NPAS3: variants seen among roughly 807,000 people sequenced by gnomAD.
NPAS3 encodes neuronal PAS domain protein 3.
Under a neutral mutation model 73.1 loss-of-function variants are expected in NPAS3, and 14 were observed. That is an observed-to-expected ratio of 0.19 (90% CI 0.13 to 0.30). The LOEUF is 0.30. Ranked by LOEUF, NPAS3 falls within the 10% of genes least tolerant of loss-of-function variation. The pLI is 1.00. For synonymous variants in NPAS3, 620 were observed against 541.5 expected (o/e 1.14, Z -2.01); for missense variants, 1,096 against 1,250.0 (o/e 0.88, Z 1.86).
intron 9 of NPAS3, among the ~76,000 whole-genome samples, chr14:33,782,823 T>TAAAAAAAAAAAAAAAAAAAAAAAAAAAAA (rs199704146): frequency 1.7e-4 from 25 of 148,576 alleles, no homozygotes; most frequent in Non-Finnish European, 3.1e-4. Context: ...TGTTTTTTTT[T>TAAAAAAAAAAAAAAAAAAAAAAAAAAAAA]AAAAAAAAGA....
intron 3 of NPAS3, among the ~76,000 whole-genome samples, chr14:33,328,118 A>G (rs933905188): frequency 6.6e-6 from 1 of 152,144 alleles, no homozygotes; most frequent in African/African-American, 2.4e-5. Context: ...AGCTCATTTT[A>G]AGAAGTTTAG....
chr14:33,505,217 A>G (rs2139953867), intron 4 of NPAS3, among the ~76,000 whole-genome samples: 1 of 152,168 alleles, frequency 6.6e-6, no homozygotes, highest in African/African-American at 2.4e-5. Flanking sequence ...ATATTTATTA[A>G]CAGCTAAGAA....
intron 4 of NPAS3, among the ~76,000 whole-genome samples, chr14:33,409,414 G>A (rs1355787262): frequency 6.6e-6 from 1 of 152,046 alleles, no homozygotes; most frequent in Admixed American, 6.6e-5. Flanking sequence ...TGTGTTTTAG[G>A]ATGAAGAGAT....
At chr14:33,058,047 AG>A (rs1365055357) in intron 2 of NPAS3, among the ~76,000 whole-genome samples, 1 of 152,084 alleles carries the variant, frequency 6.6e-6, no homozygotes, top group Non-Finnish European at 1.5e-5. Context: ...ATATTATATA[AG>A]GAGTATGTTT....
intron 3 of NPAS3, among the ~76,000 whole-genome samples, chr14:33,338,830 C>G (rs2044345954): frequency 1.3e-5 from 2 of 152,120 alleles, no homozygotes; most frequent in African/African-American, 2.4e-5. Flanking sequence ...ATCCCATACT[C>G]AAACAAAAAT....
intron 5 of NPAS3, among the ~76,000 whole-genome samples, chr14:33,585,426 C>G (rs2056828467): frequency 6.6e-6 from 1 of 152,176 alleles, no homozygotes; most frequent in African/African-American, 2.4e-5. Flanking sequence ...CCATGGACTT[C>G]TCCACCCATA....
At chr14:33,022,635 A>G (rs2039646051) in intron 1 of NPAS3, among the ~76,000 whole-genome samples, 1 of 140,790 alleles carries the variant, frequency 7.1e-6, no homozygotes, top group African/African-American at 2.7e-5. Flanking sequence ...ACCGCACTCC[A>G]GCCTGGGCGA....
chr14:33,535,487 C>T (rs187377047), intron 4 of NPAS3, among the ~76,000 whole-genome samples: 99 of 152,202 alleles, frequency 6.5e-4, no homozygotes, highest in Non-Finnish European at 7.4e-5. Context: ...AATTGTGTAT[C>T]TATAAACTGT....
At chr14:33,666,323 C>T (rs988693515) in intron 5 of NPAS3, among the ~76,000 whole-genome samples, 1 of 152,176 alleles carries the variant, frequency 6.6e-6, no homozygotes, top group East Asian at 1.9e-4. Flanking sequence ...TTCATCCAAG[C>T]CACCTGTCCT....
intron 1 of NPAS3, among the ~76,000 whole-genome samples, chr14:32,984,994 TGG>T (rs578041569): frequency 2.0e-3 from 310 of 152,316 alleles, no homozygotes; most frequent in African/African-American, 6.9e-3. Context: ...AATTAAGTCC[TGG>T]GTATAATGTG....
chr14:33,592,027 A>G (rs2057086675), intron 5 of NPAS3, among the ~76,000 whole-genome samples: 1 of 152,082 alleles, frequency 6.6e-6, no homozygotes, highest in Non-Finnish European at 1.5e-5. Flanking sequence ...ACTAGTTTTT[A>G]CACAGAAAAG....
intron 4 of NPAS3, among the ~76,000 whole-genome samples, chr14:33,558,143 A>G (rs1332488235): frequency 1.3e-5 from 2 of 152,196 alleles, no homozygotes; most frequent in Non-Finnish European, 2.9e-5. Flanking sequence ...TCTTTAGTGG[A>G]ACAATATAAT....
intron 2 of NPAS3, among the ~76,000 whole-genome samples, chr14:33,153,585 T>A (rs2044539262): frequency 6.6e-6 from 1 of 152,166 alleles, no homozygotes. Context: ...AGAGAGCTCC[T>A]GTTTAATGAT....
At chr14:33,567,634 A>G (rs1216584219) in intron 5 of NPAS3, among the ~76,000 whole-genome samples, 1 of 152,242 alleles carries the variant, frequency 6.6e-6, no homozygotes, top group Non-Finnish European at 1.5e-5. Context: ...AATTTCCAGC[A>G]TTAGAAATCG....
At chr14:32,981,890 C>G (rs2037913452) in intron 1 of NPAS3, among the ~76,000 whole-genome samples, 1 of 152,136 alleles carries the variant, frequency 6.6e-6, no homozygotes, top group African/African-American at 2.4e-5. Context: ...ATGATCTCAT[C>G]CACTCTTAGG....
intron 3 of NPAS3, among the ~76,000 whole-genome samples, chr14:33,285,527 C>T (rs533927320): frequency 3.1e-4 from 47 of 152,312 alleles, no homozygotes; most frequent in African/African-American, 1.1e-3. Flanking sequence ...GATGCTGTTA[C>T]ACTCAATTCC....
chr14:33,598,995 G>A (rs913248650), intron 5 of NPAS3, among the ~76,000 whole-genome samples: 1 of 152,118 alleles, frequency 6.6e-6, no homozygotes, highest in Non-Finnish European at 1.5e-5. Flanking sequence ...ACATCCACTG[G>A]CTAGTTCAAA....
chr14:33,204,412 G>T (rs1182174577), intron 2 of NPAS3, among the ~76,000 whole-genome samples: 1 of 152,132 alleles, frequency 6.6e-6, no homozygotes, highest in East Asian at 1.9e-4. Context: ...CAGTAGTTAG[G>T]TCTGTGTTGC....
At chr14:33,004,817 C>CTTTTTTTTTTTTTTTTTTTTT in intron 1 of NPAS3, among the ~76,000 whole-genome samples, 894 of 63,642 alleles carry the variant, frequency 0.014, 147 homozygotes, top group South Asian at 0.021. Context: ...AAAAGTTTTC[C>CTTTTTTTTTTTTTTTTTTTTT]TTTTTTTTTT....
Sources: gnomAD v4.1 joint callset for allele counts (sites outside exome capture counted in the v4.1 genomes callset) on GRCh38, gnomAD v4.1.1 for gene constraint, MANE v1.5 for transcripts, NCBI Gene and HGNC (gene_info 2026-07-23, HGNC 2026-07-21) for gene names.